The following TG variants were observed in gnomAD, a reference collection of about 807,000 sequenced individuals.
The protein encoded by TG is thyroglobulin, also known as thyroid hormones.
In TG, 270 loss-of-function variants were observed where a neutral mutation model predicts 324.7. The ratio of observed to expected loss-of-function variants is 0.83; its 90% confidence interval spans 0.75 to 0.92. The LOEUF (loss-of-function observed/expected upper bound fraction) is 0.92, where lower values mean the gene tolerates loss of function less well. Ranked by LOEUF, TG falls within the 40% of genes least tolerant of loss-of-function variation. TG has a pLI of 0.00. For synonymous variants in TG, 1,401 were observed against 1,327.0 expected (o/e 1.06, Z -1.21); for missense variants, 3,591 against 3,456.4 (o/e 1.04, Z -0.98).
rs761261070 is a variant in TG at position 132,961,125 on chromosome 8, T to G, written c.5467+52T>G. The G allele has an allele frequency of 8.3e-6, 13 of 1,567,862 alleles. No homozygotes were observed. The South Asian group carries it at 1.3e-4, about 16-fold the overall frequency. On this transcript the variant is annotated intron_variant, in intron 28 of 47. Coordinates refer to ENST00000220616, the MANE Select transcript of TG (RefSeq NM_003235.5). The stretch of plus-strand genomic sequence containing the variant: ...TAGCAGGACGCTGATTACATGAGAT[T>G]GTCTGGCACCACCTCTCATTCACAG...
intron 41 of TG, among the ~76,000 whole-genome samples, chr8:133,083,669 A>G (rs1846071237): frequency 6.6e-6 from 1 of 151,854 alleles, no homozygotes. Flanking sequence ...CCGAAAGCCC[A>G]TGATCTCTCT....
chr8:132,957,770 C>G (rs1318761973), intron 27 of TG, among the ~76,000 whole-genome samples: 1 of 149,804 alleles, frequency 6.7e-6, no homozygotes, highest in African/African-American at 2.5e-5. Context: ...CACACACACA[C>G]ACACACACAC....
chr8:132,989,798 G>A (rs1162769533), intron 35 of TG, among the ~76,000 whole-genome samples: 3 of 152,138 alleles, frequency 2.0e-5, no homozygotes, highest in Non-Finnish European at 2.9e-5. Context: ...CAGCACCGGC[G>A]GGAAGCATGT....
chr8:133,013,771 C>G lies in TG; in HGVS notation c.6562+7C>G. 1 of 1,607,968 alleles carries G rather than the reference C, an allele frequency of 6.2e-7. No individual in the cohort carries two copies. The highest frequency in any genetic ancestry group is 8.5e-7 in the Non-Finnish European group (1 of 1,179,734). On this transcript the variant is annotated splice_region_variant and intron_variant, in intron 37 of 47. Transcript: ENST00000220616. ...CACATCTACCGGAAGCCAGGTAAGCCCAAGCCTATGCCTTTGCAGCCATCC... is the reference window on the plus strand; with the variant it reads ...CACATCTACCGGAAGCCAGGTAAGCGCAAGCCTATGCCTTTGCAGCCATCC...
At chr8:133,050,730 C>T (rs1432225735) in intron 41 of TG, 10 of 870,146 alleles carry the variant, frequency 1.1e-5, no homozygotes, top group Non-Finnish European at 1.9e-5. Context: ...GGAACTAGAC[C>T]ACTCTAGCTA....
chr8:133,018,871 C>A (rs1273549537), intron 38 of TG, among the ~76,000 whole-genome samples: 1 of 151,978 alleles, frequency 6.6e-6, no homozygotes, highest in Non-Finnish European at 1.5e-5. Context: ...TTAAAGTACT[C>A]CAGGAAAAGG....
intron 40 of TG, among the ~76,000 whole-genome samples, chr8:133,024,186 A>G (rs571481608): frequency 1.7e-3 from 260 of 152,364 alleles, no homozygotes; most frequent in African/African-American, 5.8e-3. Context: ...TGTTGGTGGA[A>G]CAACAAGAAA....
intron 40 of TG, among the ~76,000 whole-genome samples, chr8:133,028,542 A>G (rs1361512414): frequency 2.0e-5 from 3 of 152,262 alleles, no homozygotes; most frequent in Non-Finnish European, 2.9e-5. Context: ...GTAATCTTCC[A>G]TAGTGCTTTA....
intron 11 of TG, among the ~76,000 whole-genome samples, chr8:132,894,544 G>A (rs898140082): frequency 2.0e-5 from 3 of 150,726 alleles, no homozygotes; most frequent in African/African-American, 7.3e-5. Context: ...CCACAGCCTC[G>A]AACTCCTGGG....
Position 133,092,806 on chromosome 8 carries a change from G to A in TG, c.7240-2238G>A, listed in dbSNP as rs150804151. The stretch of plus-strand genomic sequence containing the variant: ...CTTTAAAATGAAGGCTGAGTCAACC[G>A]TTGGCTTGCGTAAACACCAATTTTC... On this transcript the variant is annotated intron_variant, in intron 41 of 47. Coordinates refer to ENST00000220616, the MANE Select transcript of TG (RefSeq NM_003235.5). 1.5e-3 allele frequency among the ~76,000 whole-genome samples: 235 copies of A among 152,294 alleles called. 1 individual carries two copies. The highest frequency in any genetic ancestry group is 5.1e-3 in the African/African-American group (210 of 41,556).
intron 41 of TG, chr8:133,047,589 A>G (rs986818344): frequency 9.2e-6 from 5 of 541,028 alleles, no homozygotes; most frequent in Admixed American, 6.4e-5. Flanking sequence ...AGCAGGAGTC[A>G]TCAGGCCTGA....
chr8:132,949,058 A>G, intron 27 of TG, 115 bp downstream of exon 27: 3 of 925,722 alleles, frequency 3.2e-6, no homozygotes, highest in East Asian at 5.1e-5. Context: ...ACTTCTGAAA[A>G]AAAAAAAAAA....
intron 34 of TG, among the ~76,000 whole-genome samples, chr8:132,980,478 T>A (rs1465053664): frequency 2.0e-5 from 3 of 152,018 alleles, no homozygotes; most frequent in African/African-American, 7.2e-5. Flanking sequence ...TCTTGTCCTA[T>A]GCACCCCTTC....
chr8:132,991,050 TA>T (rs2130765619), intron 35 of TG, among the ~76,000 whole-genome samples: 1 of 95,154 alleles, frequency 1.1e-5, no homozygotes, highest in Non-Finnish European at 2.3e-5. Flanking sequence ...GATGGCCCTT[TA>T]GGGATGCTGA....
At position 132,929,257 on chromosome 8, in the gene TG, T is replaced by C. The variant is rs1241531769; in HGVS notation, c.4816+65T>C. 1.1e-5 allele frequency: 14 copies of C among 1,258,208 alleles called. No homozygotes were observed. In the African/African-American group the frequency reaches 1.6e-4, roughly 15 times the overall value. 77.9% of individuals were successfully genotyped at this position (1,258,208 alleles called of 1,614,324 possible). Reference sequence around the variant, plus strand: ...TGGAAATAAGCTCTGCTGAGAGTTGTCGAGACAAACCAAATCAAACCATTA... The same window carrying C: ...TGGAAATAAGCTCTGCTGAGAGTTGCCGAGACAAACCAAATCAAACCATTA... On this transcript the variant is annotated intron_variant, in intron 23 of 47. Transcript: ENST00000220616.
intron 45 of TG, among the ~76,000 whole-genome samples, chr8:133,119,703 C>T (rs770484251): frequency 2.0e-5 from 3 of 152,086 alleles, no homozygotes; most frequent in Admixed American, 2.0e-4. Flanking sequence ...TCTGGAGGGA[C>T]GTAAATATTC....
rs1411645113 is a variant in TG, at chr8:133,087,908, T to C, written c.7240-7136T>C. On this transcript the variant is annotated intron_variant, in intron 41 of 47. Transcript: ENST00000220616. ...CCAGAAAACCTGGGTCTTAACCTCT[T>C]TCACCTGCTACTGGCAGGATTTTAA... The C allele has an allele frequency of 2.0e-5, 3 of 152,210 alleles. No individual in the cohort carries two copies. In the East Asian group the frequency reaches 5.8e-4, roughly 29 times the overall value. The allele number at this position is 152,210 out of a possible 1,614,324, so 9.4% of individuals were successfully genotyped here.
Position 132,906,684 on chromosome 8 carries a change from C to T in TG, c.3635-4C>T. 3.7e-6 allele frequency: 6 copies of T among 1,613,898 alleles called. No homozygotes were observed. Among genetic ancestry groups the T allele is most frequent in the Non-Finnish European group, 5.1e-6 (6 of 1,180,008 alleles). ...CCACCACGGCTCCACTTTCCTTCTC[C>T]CAGGCCCGCGGTGTCCGCTGCCATT... On this transcript the variant is annotated splice_region_variant and splice_polypyrimidine_tract_variant and intron_variant, in intron 16 of 47. Transcript: ENST00000220616.
chr8:132,882,846 G>T lies in TG; in HGVS notation c.922G>T (p.Ala308Ser). The change falls in exon 8 of 48, where the codon GCA (alanine) becomes TCA (serine). Residue 308 changes from alanine (A) to serine (S), a missense_variant. By Grantham distance (99) the Ala-to-Ser change is moderately conservative. Transcript: ENST00000220616. The stretch of plus-strand genomic sequence containing the variant: ...AAAATGTGAAGTGGAGCGGTTTACA[G>T]CAACCAGCTTTGGTCACCCCTATGT... ...PTKCEVERFT[A>S]TSFGHPYVPS... 6.2e-7 allele frequency: 1 copy of T among 1,614,208 alleles called. No individual in the cohort carries two copies. Among genetic ancestry groups the T allele is most frequent in the South Asian group, 1.1e-5 (1 of 91,088 alleles).
Sources: gnomAD v4.1 joint callset for allele counts (sites outside exome capture counted in the v4.1 genomes callset) on GRCh38, gnomAD v4.1.1 for gene constraint, MANE v1.5 for transcripts, NCBI Gene and HGNC (gene_info 2026-07-23, HGNC 2026-07-21) for gene names.